ZFYVE26: variants seen among roughly 807,000 people sequenced by gnomAD.
The protein encoded by ZFYVE26 is zinc finger FYVE domain-containing protein 26.
ZFYVE26 carries 181 observed loss-of-function variants against 276.5 expected under a neutral mutation model. That is an observed-to-expected ratio of 0.65 (90% CI 0.58 to 0.74). ZFYVE26 has a LOEUF of 0.74. ZFYVE26 is among the 30% of genes least tolerant of loss of function. The pLI is 0.00. For missense variants in ZFYVE26, 2,821 were observed against 3,097.9 expected (o/e 0.91, Z 2.12); for synonymous variants, 1,129 against 1,203.1 (o/e 0.94, Z 1.27).
chr14:67,748,846 G>A (rs2038558453), intron 41 of ZFYVE26, among the ~76,000 whole-genome samples: 2 of 152,156 alleles, frequency 1.3e-5, no homozygotes, highest in Admixed American at 6.5e-5. Flanking sequence ...AGTGTAAAAA[G>A]TTATTACAAA....
At position 67,756,426 on chromosome 14, in the gene ZFYVE26, T is replaced by C. The variant is rs79966206; in HGVS notation, c.6589-281A>G. 4,319 of 488,268 alleles carry C rather than the reference T, an allele frequency of 8.8e-3. 54 individuals carry two copies. Among genetic ancestry groups the C allele is most frequent in the African/African-American group, 0.043 (2,233 of 51,636 alleles). The allele number at this position is 488,268 out of a possible 1,614,324, so 30.2% of individuals were successfully genotyped here. A position where few individuals can be genotyped will look rare whatever the true frequency, so the allele number is the denominator to read the frequency against. The stretch of plus-strand genomic sequence containing the variant: ...TCTTGAACCCACTCTAATCTAGCTC[T>C]GCACCCATAATTCCCATTGAAACTG... On this transcript the variant is annotated intron_variant, in intron 35 of 41. Transcript: ENST00000347230.
At chr14:67,770,782 A>G (rs1955468) in intron 28 of ZFYVE26, among the ~76,000 whole-genome samples, 66,090 of 152,026 alleles carry the variant, frequency 0.43, 16,815 homozygotes, top group Non-Finnish European at 0.59. Flanking sequence ...TCTTTCTATA[A>G]TCTACCCTAT....
At chr14:67,774,583 TG>T (rs923328094) in intron 27 of ZFYVE26, among the ~76,000 whole-genome samples, 1 of 152,086 alleles carries the variant, frequency 6.6e-6, no homozygotes, top group African/African-American at 2.4e-5. Context: ...GCTAGTTGAA[TG>T]GGATTTGAAT....
At chr14:67,786,282 G>A in intron 16 of ZFYVE26, 49 bp from the exon 17 acceptor site, 1 of 635,086 alleles carries the variant, frequency 1.6e-6, no homozygotes, top group South Asian at 2.1e-5. Context: ...AAATTGAAGT[G>A]TTTTCAGAGA....
chr14:67,782,702 G>T, intron 21 of ZFYVE26, 78 bp downstream of exon 21: 1 of 1,589,734 alleles, frequency 6.3e-7, no homozygotes. Flanking sequence ...GTTACCGTGA[G>T]GATTAAATGT....
intron 36 of ZFYVE26, 152 bp from the exon 37 acceptor site, chr14:67,755,402 C>A: frequency 1.1e-6 from 1 of 902,322 alleles, no homozygotes; most frequent in South Asian, 1.5e-5. Flanking sequence ...AGCCAGTCAC[C>A]CCCAAGGTCC....
At chr14:67,779,408 CA>C (rs1023557135) in intron 23 of ZFYVE26, among the ~76,000 whole-genome samples, 1 of 151,746 alleles carries the variant, frequency 6.6e-6, no homozygotes, top group Non-Finnish European at 1.5e-5. Flanking sequence ...ATTAAAAATA[CA>C]AAAAAATTAG....
In ZFYVE26 at chr14:67,775,871, T is replaced by C; in HGVS notation, c.5210A>G (p.Glu1737Gly). 6.2e-7 allele frequency: 1 copy of C among 1,614,234 alleles called. No homozygotes were observed. Among genetic ancestry groups the C allele is most frequent in the Non-Finnish European group, 8.5e-7 (1 of 1,180,036 alleles). The change falls in exon 26 of 42, where the codon GAG becomes GGG. Residue 1737 changes from glutamate to glycine, a missense_variant. Coordinates refer to ENST00000347230, the MANE Select transcript of ZFYVE26 (RefSeq NM_015346.4). ...KALDFPYPQR[E>G]KRSDSVIHLQ... ...ATGCTAGCAGTTACCTGATCGTTTC[T>C]CCCTCTGAGGGTATGGAAAGTCCAG...
At chr14:67,815,393 A>G (rs1381080782) in intron 2 of ZFYVE26, 1 of 275,184 alleles carries the variant, frequency 3.6e-6, no homozygotes, top group Non-Finnish European at 7.2e-6. Context: ...TTCGAAATAA[A>G]AAGTTTTAAG....
At chr14:67,798,714 C>A in intron 10 of ZFYVE26, 92 bp from the exon 11 acceptor site, 2 of 1,516,664 alleles carry the variant, frequency 1.3e-6, no homozygotes, top group African/African-American at 1.4e-5. Context: ...CAAACATTCT[C>A]GCAACTTTAG....
intron 14 of ZFYVE26, among the ~76,000 whole-genome samples, chr14:67,793,086 C>G (rs960848137): frequency 2.0e-5 from 3 of 151,844 alleles, no homozygotes; most frequent in Admixed American, 1.3e-4. Context: ...ATGGCAAAAC[C>G]CTGTCTCTAC....
At chr14:67,764,329 G>A (rs557056875) in intron 32 of ZFYVE26, among the ~76,000 whole-genome samples, 18 of 152,124 alleles carry the variant, frequency 1.2e-4, no homozygotes, top group Non-Finnish European at 1.9e-4. Context: ...TAAGAGCATC[G>A]GCACTCATAA....
intron 13 of ZFYVE26, chr14:67,735,330 G>C: frequency 1.3e-6 from 1 of 786,372 alleles, no homozygotes; most frequent in Non-Finnish European, 2.3e-6. Context: ...GACACCAAAA[G>C]GACCATCTAG....
chr14:67,760,417 A>G (rs894685262), intron 35 of ZFYVE26, among the ~76,000 whole-genome samples: 2 of 152,212 alleles, frequency 1.3e-5, no homozygotes, highest in African/African-American at 4.8e-5. Context: ...GATCAATCTT[A>G]GAAAATATGT....
intron 22 of ZFYVE26, 104 bp downstream of exon 22, chr14:67,781,229 A>G: frequency 7.2e-7 from 1 of 1,384,366 alleles, no homozygotes; most frequent in Non-Finnish European, 1.0e-6. Context: ...CAAAACCCAG[A>G]CCTATATTTT....
chr14:67,751,193 G>A, intron 40 of ZFYVE26, 97 bp from the exon 41 acceptor site: 1 of 1,399,324 alleles, frequency 7.1e-7, no homozygotes, highest in Non-Finnish European at 1.0e-6. Flanking sequence ...TCTGACTTCA[G>A]AATGAAAATG....
intron 15 of ZFYVE26, among the ~76,000 whole-genome samples, chr14:67,790,266 C>T (rs1485581013): frequency 1.3e-5 from 2 of 152,210 alleles, no homozygotes; most frequent in South Asian, 2.1e-4. Flanking sequence ...AACTCCTAAC[C>T]ATTTCCTGAA....
At chr14:67,772,250 A>G (rs778205808) in intron 27 of ZFYVE26, 40 bp from the exon 28 acceptor site, 3 of 1,595,802 alleles carry the variant, frequency 1.9e-6, no homozygotes, top group Admixed American at 3.4e-5. Flanking sequence ...AAGGTAATCA[A>G]TATACCAGCT....
chr14:67,734,052 A>G (rs1280989587), intron 13 of ZFYVE26: 2 of 472,450 alleles, frequency 4.2e-6, no homozygotes, highest in Admixed American at 5.6e-5. Context: ...GTGGACACCT[A>G]TAGAGTGTTC....
Sources: gnomAD v4.1 joint callset for allele counts (sites outside exome capture counted in the v4.1 genomes callset) on GRCh38, gnomAD v4.1.1 for gene constraint, MANE v1.5 for transcripts, NCBI Gene and HGNC (gene_info 2026-07-23, HGNC 2026-07-21) for gene names.